The following HERC5 variants were observed in gnomAD, a reference collection of about 807,000 sequenced individuals.
HERC5 encodes E3 ISG15--protein ligase HERC5.
In HERC5, 99 loss-of-function variants were observed where a neutral mutation model predicts 119.6. The ratio of observed to expected loss-of-function variants is 0.83; its 90% CI spans 0.70 to 0.98. The LOEUF (loss-of-function observed/expected upper bound fraction) is 0.98. Among genes scored for constraint, HERC5 ranks in the 50% least tolerant of loss-of-function variants. The pLI is 0.00. For synonymous variants in HERC5, 478 were observed against 445.9 expected, an observed-to-expected ratio of 1.07 and a Z score of -0.91; for missense variants, 1,267 against 1,241.3, an observed-to-expected ratio of 1.02 and a Z score of -0.31.
chr4:88,499,028 A>C (rs1230623226), intron 18 of HERC5, among the ~76,000 whole-genome samples: 2 of 152,246 alleles, frequency 1.3e-5, no homozygotes, highest in African/African-American at 4.8e-5. Context: ...CAGTGGGGAA[A>C]AAAAATCAGT....
At chr4:88,479,877 C>T (rs1277117504) in intron 13 of HERC5, among the ~76,000 whole-genome samples, 1 of 152,018 alleles carries the variant, frequency 6.6e-6, no homozygotes, top group Non-Finnish European at 1.5e-5. Context: ...ACAATCATGA[C>T]TAACATGGTG....
chr4:88,459,230 T>C (rs1486940914), intron 1 of HERC5, 117 bp from the exon 2 acceptor site: 1 of 822,846 alleles, frequency 1.2e-6, no homozygotes, highest in Non-Finnish European at 1.8e-6. Flanking sequence ...TCATGGTAAG[T>C]CAAAGCTTGT....
intron 11 of HERC5, chr4:88,473,185 T>C (rs1740936610): frequency 6.6e-6 from 1 of 152,068 alleles, no homozygotes; most frequent in African/African-American, 2.4e-5. Flanking sequence ...AATGTAGTTT[T>C]TATTATTTCC....
At chr4:88,501,779 TCA>T (rs1292066262) in intron 20 of HERC5, among the ~76,000 whole-genome samples, 1 of 152,152 alleles carries the variant, frequency 6.6e-6, no homozygotes, top group Non-Finnish European at 1.5e-5. Flanking sequence ...TATGAATATA[TCA>T]CAGTTTATTT....
At chr4:88,466,319 G>A (rs933209068) in intron 6 of HERC5, among the ~76,000 whole-genome samples, 1 of 152,098 alleles carries the variant, frequency 6.6e-6, no homozygotes, top group African/African-American at 2.4e-5. Flanking sequence ...TGGGTTCAAA[G>A]TATCCTACTG....
At chr4:88,465,747 A>G (rs1471594557) in intron 6 of HERC5, among the ~76,000 whole-genome samples, 2 of 152,212 alleles carry the variant, frequency 1.3e-5, no homozygotes, top group African/African-American at 2.4e-5. Context: ...ACTAAAAGCT[A>G]TTATGCTCAT....
chr4:88,470,434 A>G (rs1740828336), intron 9 of HERC5, among the ~76,000 whole-genome samples, 180 bp from the exon 10 acceptor site: 1 of 152,198 alleles, frequency 6.6e-6, no homozygotes, highest in Non-Finnish European at 1.5e-5. Flanking sequence ...AGATTTACCA[A>G]ACAGAATGGA....
At chr4:88,468,303 C>A in intron 7 of HERC5, 43 bp from the exon 8 acceptor site, 2 of 1,393,614 alleles carry the variant, frequency 1.4e-6, no homozygotes, top group South Asian at 2.5e-5. Context: ...ATGTTTGTGC[C>A]AAATGACTTT....
intron 22 of HERC5, 151 bp downstream of exon 22, chr4:88,504,748 A>G (rs954249501): frequency 7.0e-6 from 3 of 431,488 alleles, no homozygotes; most frequent in Non-Finnish European, 1.3e-5. Context: ...ACATCAAAAA[A>G]CAAATGTTAA....
chr4:88,483,835 T>C (rs1175181981), intron 13 of HERC5, among the ~76,000 whole-genome samples: 2 of 152,214 alleles, frequency 1.3e-5, no homozygotes, highest in East Asian at 3.9e-4. Context: ...TGGCCTTCTA[T>C]TAGGTTTTTG....
intron 4 of HERC5, 109 bp from the exon 5 acceptor site, chr4:88,463,423 A>G: frequency 1.4e-6 from 1 of 689,682 alleles, no homozygotes; most frequent in South Asian, 1.8e-5. Context: ...TCTTGTCAGA[A>G]TATCATGAGA....
At chr4:88,500,738 TTTTA>T (rs370049359) in intron 19 of HERC5, among the ~76,000 whole-genome samples, 173 bp from the exon 20 acceptor site, 1 of 152,370 alleles carries the variant, frequency 6.6e-6, no homozygotes, top group East Asian at 1.9e-4. Flanking sequence ...AAAAATTTAT[TTTTA>T]TTCAGTATGA....
At chr4:88,467,020 G>A (rs770639048) in intron 6 of HERC5, 39 bp from the exon 7 acceptor site, 3 of 1,604,938 alleles carry the variant, frequency 1.9e-6, no homozygotes, top group Non-Finnish European at 2.6e-6. Flanking sequence ...CATCATTGTG[G>A]ATAATTAAGA....
rs773104002 is a variant in HERC5, at chr4:88,463,955, G to A, written c.881G>A (p.Gly294Glu). ...CCCTGTTTGGTGGCTGAGCTTGTTGGGTATAGAGTGACTCAGATAGCATGT... is the reference window on the plus strand; with the variant it reads ...CCCTGTTTGGTGGCTGAGCTTGTTGAGTATAGAGTGACTCAGATAGCATGT... ...LRPCLVAELV[G>E]YRVTQIACGR... Residue 294 changes from glycine to glutamate, a missense_variant, in exon 6 of 23, where the codon GGG becomes GAG. Around this residue, in one of 3 missense-constraint regions of HERC5, gnomAD observed 777 missense variants for 758.0 expected, o/e 1.03. Coordinates refer to ENST00000264350, the MANE Select transcript of HERC5 (RefSeq NM_016323.4). 1.9e-6 allele frequency: 3 copies of A among 1,613,444 alleles called. No individual in the cohort carries two copies. The highest frequency in any genetic ancestry group is 2.5e-6 in the Non-Finnish European group (3 of 1,179,944).
At chr4:88,495,396 AAACAAAAAC>A (rs1157823910) in intron 18 of HERC5, among the ~76,000 whole-genome samples, 5 of 152,202 alleles carry the variant, frequency 3.3e-5, no homozygotes, top group South Asian at 2.1e-4. Flanking sequence ...AAAAACAAAC[AAACAAAAAC>A]AACAAAAATT....
At chr4:88,471,120 C>T (rs2149092654) in intron 10 of HERC5, among the ~76,000 whole-genome samples, 1 of 151,900 alleles carries the variant, frequency 6.6e-6, no homozygotes, top group East Asian at 2.0e-4. Flanking sequence ...AGACACATGG[C>T]ACTACACCCA....
rs58490237 is a variant in HERC5 at position 88,505,919 on chromosome 4, C to CGTT, written c.*66_*68dup. On this transcript the variant is annotated 3_prime_UTR_variant, in exon 23 of 23. Transcript: ENST00000264350. ...AACAGCCTTATTTTGTTGTTGTTAT[C>CGTT]GTTGTTGTTGTTGTTGTTGTTGTTG... is the stretch of plus-strand genomic sequence containing the variant. The CGTT allele has an allele frequency of 3.9e-3, 5,529 of 1,430,984 alleles. 63 individuals are homozygous for CGTT. The highest frequency in any genetic ancestry group is 0.034 in the African/African-American group (2,375 of 69,276). 88.6% of individuals were successfully genotyped at this position (1,430,984 alleles called of 1,614,324 possible).
intron 6 of HERC5, 73 bp from the exon 7 acceptor site, chr4:88,466,986 A>G: frequency 1.4e-6 from 2 of 1,480,956 alleles, no homozygotes; most frequent in Non-Finnish European, 1.9e-6. Context: ...AGTTTTGGCA[A>G]TTTACTGTAT....
chr4:88,493,238 A>C, intron 17 of HERC5, 83 bp downstream of exon 17: 1 of 1,197,292 alleles, frequency 8.4e-7, no homozygotes, highest in Admixed American at 2.3e-5. Flanking sequence ...TGTCTAGACT[A>C]TTTCATGTTA....
Sources: gnomAD v4.1 joint callset for allele counts (sites outside exome capture counted in the v4.1 genomes callset) on GRCh38, gnomAD v4.1.1 for gene constraint, gnomAD v4.1.1 regional missense constraint, MANE v1.5 for transcripts, NCBI Gene and HGNC (gene_info 2026-07-23, HGNC 2026-07-21) for gene names.